TGDS: variants seen among roughly 807,000 people sequenced by gnomAD.
TGDS encodes the protein TDP-glucose 4,6-dehydratase, also known as UDP-D-glucose 4,6-dehydratase.
Under a neutral mutation model 52.3 loss-of-function variants are expected in TGDS, and 47 were observed. That is an observed-to-expected ratio of 0.90 (90% confidence interval 0.71 to 1.15). TGDS has a LOEUF of 1.15. Among genes scored for constraint, TGDS ranks in the 50% most tolerant of loss-of-function variants. The pLI, the probability that TGDS is intolerant of heterozygous loss-of-function variation, is 0.00. For synonymous variants in TGDS, 115 were observed against 136.9 expected (o/e 0.84, Z 1.12); for missense variants, 375 against 418.4 (o/e 0.90, Z 0.90).
rs147139240 is a variant in TGDS, at chr13:94,590,858, T to C, written c.308A>G (p.His103Arg). Residue 103 changes from histidine (H) to arginine (R), a missense_variant, in exon 4 of 12, where the codon CAT (histidine) becomes CGT (arginine). Coordinates refer to ENST00000261296, the MANE Select transcript of TGDS (RefSeq NM_014305.4). The stretch of plus-strand genomic sequence containing the variant: ...TAACATAAAACAATGCTTACCTACA[T>C]GTGTTTGTGCGGCAAAATGTAGTAC... ...DIVLHFAAQT[H>R]VDLSFVRAFE... 71 of 1,567,374 alleles carry C rather than the reference T, an allele frequency of 4.5e-5. No homozygotes were observed. The highest frequency in any genetic ancestry group is 2.6e-6 in the Non-Finnish European group (3 of 1,165,614).
At position 94,587,347 on chromosome 13, in the gene TGDS, A is replaced by G. The variant is rs143700539; in HGVS notation, c.313+3506T>C. ...CAATGTCAAAGATTGTTTTTTTGGA[A>G]CAACAATGTCAAATGTCAAATGTTG... On this transcript the variant is annotated intron_variant, in intron 4 of 11. Coordinates refer to ENST00000261296, the MANE Select transcript of TGDS (RefSeq NM_014305.4). Among the ~76,000 whole-genome samples the G allele has an allele frequency of 2.0e-3, 310 of 152,356 alleles. 1 individual carries two copies. Among genetic ancestry groups the G allele is most frequent in the Non-Finnish European group, 3.5e-3 (235 of 68,034 alleles).
chr13:94,578,399 T>A (rs932132811), intron 8 of TGDS, among the ~76,000 whole-genome samples: 5 of 137,640 alleles, frequency 3.6e-5, no homozygotes, highest in African/African-American at 1.4e-4. Context: ...TGTATTCAAT[T>A]TTATGTCATA....
rs1445057686 is a variant in TGDS, at chr13:94,575,515, C to T, written c.983-663G>A. Among the ~76,000 whole-genome samples, 4 of 152,090 alleles carry T rather than the reference C, an allele frequency of 2.6e-5. No homozygotes were observed. In the South Asian group the frequency reaches 6.2e-4, roughly 24 times the overall value. On this transcript the variant is annotated intron_variant, in intron 11 of 11. Transcript: ENST00000261296. ...ATATTTCCCAGGCTGGTCCTGAACT[C>T]CTGACCTCAAGTGATCCTCCCACTT...
At chr13:94,581,841 T>C (rs1379003988) in intron 5 of TGDS, among the ~76,000 whole-genome samples, 3 of 152,202 alleles carry the variant, frequency 2.0e-5, no homozygotes, top group African/African-American at 4.8e-5. Flanking sequence ...ATAAAAATTA[T>C]AGATTAGACA....
rs761635228 is a variant in TGDS at position 94,581,152 on chromosome 13, G to A, written c.494C>T (p.Pro165Leu). The change falls in exon 6 of 12, where the codon CCT (proline) becomes CTT (leucine). Residue 165 changes from proline (P) to leucine (L), a missense_variant. By Grantham distance (98) the Pro-to-Leu change is moderately conservative. Coordinates refer to ENST00000261296, the MANE Select transcript of TGDS (RefSeq NM_014305.4). Reference sequence around the variant, plus strand: ...AGCAGCTGCTTTAGATGATGCATAAGGATTTGTAGGTTGTTTGGGTGAAGA... The same window carrying A: ...AGCAGCTGCTTTAGATGATGCATAAAGATTTGTAGGTTGTTTGGGTGAAGA... Reference protein sequence around the residue: ...DESSPKQPTNPYASSKAAAEC... With the variant: ...DESSPKQPTNLYASSKAAAEC... 6.3e-7 allele frequency: 1 copy of A among 1,594,632 alleles called. No individual in the cohort carries two copies. The highest frequency in any genetic ancestry group is 1.2e-5 in the South Asian group (1 of 85,154).
At chr13:94,592,615 G>A (rs550926036) in intron 2 of TGDS, among the ~76,000 whole-genome samples, 25 of 151,970 alleles carry the variant, frequency 1.6e-4, no homozygotes, top group African/African-American at 4.3e-4. Context: ...ACCATGGACC[G>A]GCTAATTTTT....
chr13:94,576,187 G>A (rs769607750), intron 11 of TGDS, 127 bp downstream of exon 11: 1 of 547,012 alleles, frequency 1.8e-6, no homozygotes, highest in Non-Finnish European at 2.9e-6. Flanking sequence ...TATATGAAAT[G>A]TGGCAATTTG....
chr13:94,584,843 A>G (rs758118785), intron 4 of TGDS, among the ~76,000 whole-genome samples: 9 of 152,252 alleles, frequency 5.9e-5, no homozygotes, highest in Non-Finnish European at 1.0e-4. Context: ...CATTTTGAAC[A>G]TAAATAAGAA....
chr13:94,593,884 A>G lies in TGDS; in HGVS notation c.110T>C (p.Leu37Ser). The change falls in exon 2 of 12, where the codon TTA becomes TCA. Residue 37 changes from leucine (L) to serine (S), a missense_variant. Coordinates refer to ENST00000261296, the MANE Select transcript of TGDS (RefSeq NM_014305.4). ...GFIASHMIVS[L>S]VEDYPNYMII... ...CATATAGTTTGGATAATCTTCCACT[A>G]AAGAGACAATCATATGTGATGCACT... is the stretch of plus-strand genomic sequence containing the variant. The G allele has an allele frequency of 6.3e-7, 1 of 1,584,748 alleles. No homozygotes were observed. Among genetic ancestry groups the G allele is most frequent in the Non-Finnish European group, 8.6e-7 (1 of 1,166,804 alleles).
intron 4 of TGDS, among the ~76,000 whole-genome samples, chr13:94,586,759 T>A (rs992558150): frequency 2.0e-5 from 3 of 146,672 alleles, no homozygotes; most frequent in East Asian, 2.0e-4. Flanking sequence ...TTATTTTTTT[T>A]TTTTTTTTTT....
At chr13:94,592,964 G>A (rs1356627934) in intron 2 of TGDS, among the ~76,000 whole-genome samples, 1 of 152,008 alleles carries the variant, frequency 6.6e-6, no homozygotes, top group Non-Finnish European at 1.5e-5. Context: ...GACCATCCTG[G>A]CCAACATCGT....
intron 11 of TGDS, among the ~76,000 whole-genome samples, chr13:94,575,419 A>T (rs1364294947): frequency 6.6e-6 from 1 of 151,202 alleles, no homozygotes; most frequent in East Asian, 2.0e-4. Flanking sequence ...CCTCCTAAAT[A>T]GCTAGGACTA....
At chr13:94,592,177 C>A in intron 3 of TGDS, 64 bp downstream of exon 3, 3 of 1,266,948 alleles carry the variant, frequency 2.4e-6, no homozygotes, top group Admixed American at 2.4e-5. Flanking sequence ...TTGTAAAGTA[C>A]AAAGATACTA....
intron 4 of TGDS, among the ~76,000 whole-genome samples, chr13:94,586,668 A>T (rs1439072569): frequency 6.6e-6 from 1 of 152,144 alleles, no homozygotes; most frequent in African/African-American, 2.4e-5. Context: ...CTAGAATTCC[A>T]TAAGAACAAG....
intron 4 of TGDS, among the ~76,000 whole-genome samples, chr13:94,584,528 C>A (rs1403728286): frequency 6.6e-6 from 1 of 152,182 alleles, no homozygotes; most frequent in Non-Finnish European, 1.5e-5. Flanking sequence ...CATATTTAAT[C>A]TTAAGTAAAT....
chr13:94,578,270 G>A, intron 8 of TGDS, 100 bp from the exon 9 acceptor site: 2 of 1,086,618 alleles, frequency 1.8e-6, no homozygotes, highest in Non-Finnish European at 1.3e-6. Flanking sequence ...AATTCCCATG[G>A]GGATCCCAGA....
At chr13:94,578,306 G>A (rs149316897) in intron 8 of TGDS, 136 bp from the exon 9 acceptor site, 32 of 889,424 alleles carry the variant, frequency 3.6e-5, no homozygotes, top group African/African-American at 6.9e-5. Context: ...ACAAATTCTC[G>A]TAGCTTTTCT....
chr13:94,584,435 G>T (rs1036740807), intron 4 of TGDS, among the ~76,000 whole-genome samples: 1 of 152,114 alleles, frequency 6.6e-6, no homozygotes, highest in African/African-American at 2.4e-5. Context: ...TTCAGGGTAT[G>T]GAAAAGATGA....
chr13:94,581,106 G>A lies in TGDS; in HGVS notation c.540C>T (p.Tyr180=). Residue 180 remains tyrosine, a synonymous_variant, in exon 6 of 12, where the codon TAC becomes TAT. Transcript: ENST00000261296. ...CAGTTCTTACCTTATATTGTTCCCA[G>A]TAAGACTGTACAAAACATTCAGCAG... The part of the protein sequence containing the change: ...KAAAECFVQS[Y]WEQYKFPVVI... The A allele has an allele frequency of 2.5e-6, 4 of 1,581,360 alleles. No homozygotes were observed. The highest frequency in any genetic ancestry group is 3.4e-6 in the Non-Finnish European group (4 of 1,161,676).
Sources: allele counts gnomAD v4.1 joint callset (sites outside exome capture counted in the v4.1 genomes callset), GRCh38; gene constraint gnomAD v4.1.1; transcripts MANE v1.5; gene names NCBI Gene and HGNC (gene_info 2026-07-23, HGNC 2026-07-21).